PSMD14: variants seen among roughly 807,000 people sequenced by gnomAD.
PSMD14 encodes ubiquitin C-terminal hydrolase PSMD14.
PSMD14 carries 7 observed loss-of-function variants against 41.2 expected under a neutral mutation model. The observed-to-expected ratio is 0.17, with a 90% CI of 0.10 to 0.32. The LOEUF (loss-of-function observed/expected upper bound fraction) is 0.32, where lower values mean the gene tolerates loss of function less well. Among genes scored for constraint, PSMD14 ranks in the 10% least tolerant of loss-of-function variants. The pLI is 1.00. For synonymous variants in PSMD14, 114 were observed against 122.3 expected, an observed-to-expected ratio of 0.93 and a Z score of 0.45; for missense variants, 139 against 375.6, an observed-to-expected ratio of 0.37 and a Z score of 5.21.
intron 1 of PSMD14, among the ~76,000 whole-genome samples, chr2:161,309,964 G>A (rs566816381): frequency 6.6e-6 from 1 of 152,148 alleles, no homozygotes; most frequent in East Asian, 1.9e-4. Flanking sequence ...GCCAAGACTA[G>A]CCTGGCTAAC....
At chr2:161,322,525 G>A (rs946161420) in intron 3 of PSMD14, among the ~76,000 whole-genome samples, 1 of 152,110 alleles carries the variant, frequency 6.6e-6, no homozygotes, top group African/African-American at 2.4e-5. Flanking sequence ...AAGTAGCTGG[G>A]ATTACAGGCA....
chr2:161,402,461 A>T (rs1277878125), intron 10 of PSMD14, among the ~76,000 whole-genome samples: 1 of 152,028 alleles, frequency 6.6e-6, no homozygotes, highest in Non-Finnish European at 1.5e-5. Context: ...CAACATAGAG[A>T]GACCCTGTCT....
At chr2:161,385,262 G>A (rs970347884) in intron 7 of PSMD14, 1 of 352,960 alleles carries the variant, frequency 2.8e-6, no homozygotes, top group African/African-American at 2.1e-5. Flanking sequence ...TGCAATAATT[G>A]GTGTCACCTT....
At chr2:161,347,689 C>T (rs1683063436) in intron 3 of PSMD14, among the ~76,000 whole-genome samples, 1 of 152,124 alleles carries the variant, frequency 6.6e-6, no homozygotes, top group African/African-American at 2.4e-5. Flanking sequence ...GACAGGATTT[C>T]TTAAACAAGA....
chr2:161,408,619 CTGTG>C, intron 10 of PSMD14: 1 of 467,472 alleles, frequency 2.1e-6, no homozygotes. Flanking sequence ...TCAATACTTT[CTGTG>C]TATTTCTTGT....
rs943307884 is a variant in PSMD14, at chr2:161,340,973, C to T, written c.48+22100C>T. On this transcript the variant is annotated intron_variant, in intron 3 of 11. Coordinates refer to ENST00000409682, the MANE Select transcript of PSMD14 (RefSeq NM_005805.6). The stretch of plus-strand genomic sequence containing the variant: ...ATGGCCCCTTCTCACCATCCAAGTC[C>T]TGCTCCTCTTCCTGCCTCGCCTCCA... 7 of 1,612,952 alleles carry T rather than the reference C, an allele frequency of 4.3e-6. No individual in the cohort carries two copies. In the Admixed American group the frequency reaches 1.0e-4, roughly 23 times the overall value.
intron 3 of PSMD14, among the ~76,000 whole-genome samples, chr2:161,358,787 A>G (rs151056639): frequency 1.3e-3 from 200 of 152,254 alleles, no homozygotes; most frequent in African/African-American, 4.6e-3. Flanking sequence ...CACCAAAGAT[A>G]CCAAAAATAC....
chr2:161,386,551 G>A (rs1178504422), intron 8 of PSMD14, among the ~76,000 whole-genome samples: 1 of 151,190 alleles, frequency 6.6e-6, no homozygotes, highest in Non-Finnish European at 1.5e-5. Flanking sequence ...GGATTGAGGT[G>A]TGTTGATTTG....
chr2:161,311,911 A>G (rs1230478681), intron 1 of PSMD14, among the ~76,000 whole-genome samples: 2 of 151,902 alleles, frequency 1.3e-5, no homozygotes, highest in East Asian at 3.9e-4. Flanking sequence ...CACCGTGCCC[A>G]GCCACCATTC....
chr2:161,369,454 T>G (rs1238245550), intron 5 of PSMD14, among the ~76,000 whole-genome samples: 2 of 152,088 alleles, frequency 1.3e-5, no homozygotes, highest in African/African-American at 4.8e-5. Flanking sequence ...ACCCCTGTTC[T>G]TGAGGATGTA....
chr2:161,402,796 G>A (rs1377310108), intron 10 of PSMD14, among the ~76,000 whole-genome samples: 1 of 151,958 alleles, frequency 6.6e-6, no homozygotes, highest in African/African-American at 2.4e-5. Context: ...ATTTCCCAGA[G>A]AAGATATGCA....
At chr2:161,382,312 A>C (rs1310674573) in intron 7 of PSMD14, 1 of 151,842 alleles carries the variant, frequency 6.6e-6, no homozygotes, top group Admixed American at 6.6e-5. Flanking sequence ...TGAGTTGCGC[A>C]TAGACCAAAG....
intron 3 of PSMD14, among the ~76,000 whole-genome samples, chr2:161,332,326 C>T (rs1040324465): frequency 4.6e-5 from 7 of 152,218 alleles, no homozygotes; most frequent in South Asian, 4.1e-4. Flanking sequence ...GTCTTTAAAA[C>T]GTTTTCCTTA....
At chr2:161,382,752 T>C (rs1484534573) in intron 7 of PSMD14, 1 of 151,818 alleles carries the variant, frequency 6.6e-6, no homozygotes, top group South Asian at 2.1e-4. Context: ...TAAAGTTTTT[T>C]GGTTAAGTTA....
In PSMD14 at chr2:161,318,882, A is replaced by G. The variant is rs186944973; in HGVS notation, c.48+9A>G. ...TGCCTGGACTGGGCCAGGTTAGTAT[A>G]TAGTCTCTTGAGCATTTCCTTGTGT... On this transcript the variant is annotated intron_variant, in intron 3 of 11. Coordinates refer to ENST00000409682, the MANE Select transcript of PSMD14 (RefSeq NM_005805.6). 2 of 1,609,398 alleles carry G rather than the reference A, an allele frequency of 1.2e-6. No individual in the cohort carries two copies. Among genetic ancestry groups the G allele is most frequent in the East Asian group, 2.2e-5 (1 of 44,802 alleles).
At chr2:161,391,235 C>A in intron 9 of PSMD14, 57 bp downstream of exon 9, 1 of 1,433,328 alleles carries the variant, frequency 7.0e-7, no homozygotes, top group Non-Finnish European at 9.2e-7. Context: ...ACCATTTAAA[C>A]TATTACCTGG....
intron 5 of PSMD14, 71 bp downstream of exon 5, chr2:161,367,974 AACTCTC>A: frequency 6.8e-7 from 1 of 1,473,648 alleles, no homozygotes; most frequent in Non-Finnish European, 9.1e-7. Flanking sequence ...TATGCAAACT[AACTCTC>A]ATCATATTAC....
intron 3 of PSMD14, among the ~76,000 whole-genome samples, chr2:161,331,854 A>C (rs1332728807): frequency 6.6e-6 from 1 of 152,194 alleles, no homozygotes; most frequent in Non-Finnish European, 1.5e-5. Flanking sequence ...TTATGCACTT[A>C]ATTTTTTAAT....
intron 2 of PSMD14, among the ~76,000 whole-genome samples, chr2:161,317,563 A>C (rs1689160233): frequency 6.6e-6 from 1 of 152,164 alleles, no homozygotes; most frequent in Admixed American, 6.5e-5. Flanking sequence ...TTCACTTTTG[A>C]AGATTCCATG....
Sources: gnomAD v4.1 joint callset for allele counts (sites outside exome capture counted in the v4.1 genomes callset) on GRCh38, gnomAD v4.1.1 for gene constraint, MANE v1.5 for transcripts, NCBI Gene and HGNC (gene_info 2026-07-23, HGNC 2026-07-21) for gene names.